Variants in CBY1 observed in about 807,000 individuals in gnomAD.
CBY1 encodes the protein protein chibby homolog 1.
A neutral mutation model predicts 15.6 loss-of-function variants in CBY1; 10 were observed. That is an observed-to-expected ratio of 0.64 (90% CI 0.40 to 1.09). The LOEUF (loss-of-function observed/expected upper bound fraction) is 1.09. CBY1 is among the 50% of genes least tolerant of loss of function. CBY1 has a pLI of 0.01. For missense variants in CBY1, 150 were observed against 160.5 expected (o/e 0.93, Z 0.35); for synonymous variants, 61 against 63.5 (o/e 0.96, Z 0.19).
chr22:38,669,490 C>A (rs180873679), intron 2 of CBY1, among the ~76,000 whole-genome samples: 1 of 152,314 alleles, frequency 6.6e-6, no homozygotes, highest in East Asian at 1.9e-4. Context: ...AACATCAAAT[C>A]CCTGCTTTCA....
chr22:38,669,511 AC>A (rs1233882418), intron 2 of CBY1, among the ~76,000 whole-genome samples: 1 of 152,202 alleles, frequency 6.6e-6, no homozygotes, highest in Non-Finnish European at 1.5e-5. Context: ...TGGGGCAGAT[AC>A]TTTAACGGAA....
At chr22:38,666,077 A>C (rs186182791) in intron 1 of CBY1, among the ~76,000 whole-genome samples, 26 of 151,506 alleles carry the variant, frequency 1.7e-4, no homozygotes, top group African/African-American at 6.3e-4. Flanking sequence ...GGCTCAAGCA[A>C]TCCTCTCACC....
Position 38,673,270 on chromosome 22 carries a change from T to C in CBY1, c.*34T>C. 1.4e-6 allele frequency: 2 copies of C among 1,450,496 alleles called. No homozygotes were observed. Among genetic ancestry groups the C allele is most frequent in the Non-Finnish European group, 1.9e-6 (2 of 1,031,884 alleles). The allele number at this position is 1,450,496 out of a possible 1,614,324, so 89.9% of individuals were successfully genotyped here. A position where few individuals can be genotyped will look rare whatever the true frequency, so the allele number is the denominator to read the frequency against. On this transcript the variant is annotated 3_prime_UTR_variant, in exon 5 of 5. Transcript: ENST00000216029. ...GAGACATTTATTGGGGAGTAGGATG[T>C]GGCTGAGTGCTTTTTTTTTGGCCAG...
At chr22:38,664,470 CAAAAAAA>C (rs35322853) in intron 1 of CBY1, among the ~76,000 whole-genome samples, 1 of 92,038 alleles carries the variant, frequency 1.1e-5, no homozygotes, top group South Asian at 3.5e-4. Context: ...GACTCCATCT[CAAAAAAA>C]AAAAAAAAAA....
intron 1 of CBY1, among the ~76,000 whole-genome samples, chr22:38,660,585 A>G (rs751768110): frequency 3.3e-5 from 5 of 151,738 alleles, no homozygotes; most frequent in Non-Finnish European, 7.4e-5. Context: ...CACCATATGT[A>G]TATACACGTA....
At chr22:38,657,415 G>A (rs2092403055) in intron 1 of CBY1, among the ~76,000 whole-genome samples, 1 of 152,226 alleles carries the variant, frequency 6.6e-6, no homozygotes. Flanking sequence ...GCCGCAGAGT[G>A]ATCATTGGAA....
At chr22:38,663,496 G>A in intron 1 of CBY1, among the ~76,000 whole-genome samples, 1 of 151,914 alleles carries the variant, frequency 6.6e-6, no homozygotes, top group Middle Eastern at 3.4e-3. Context: ...GGGAGTTCGA[G>A]ACCAGCCTGA....
intron 2 of CBY1, among the ~76,000 whole-genome samples, chr22:38,669,044 G>A (rs1345287779): frequency 6.6e-6 from 1 of 152,196 alleles, no homozygotes; most frequent in Non-Finnish European, 1.5e-5. Context: ...CGTAAGAGCA[G>A]CAGTGTGCTT....
chr22:38,673,276 A>C lies in CBY1; in HGVS notation c.*40A>C. Reference sequence around the variant, plus strand: ...TTTATTGGGGAGTAGGATGTGGCTGAGTGCTTTTTTTTTGGCCAGACTAGC... The same window carrying C: ...TTTATTGGGGAGTAGGATGTGGCTGCGTGCTTTTTTTTTGGCCAGACTAGC... On this transcript the variant is annotated 3_prime_UTR_variant, in exon 5 of 5. Coordinates refer to ENST00000216029, the MANE Select transcript of CBY1 (RefSeq NM_015373.4). 1.4e-6 allele frequency: 2 copies of C among 1,422,348 alleles called. No individual in the cohort carries two copies. Among genetic ancestry groups the C allele is most frequent in the East Asian group, 2.3e-5 (1 of 43,818 alleles). 88.1% of individuals were successfully genotyped at this position (1,422,348 alleles called of 1,614,324 possible). A position where few individuals can be genotyped will look rare whatever the true frequency, so the allele number is the denominator to read the frequency against.
chr22:38,660,955 C>T (rs577174817), intron 1 of CBY1, among the ~76,000 whole-genome samples: 5 of 152,204 alleles, frequency 3.3e-5, no homozygotes, highest in Middle Eastern at 3.4e-3. Flanking sequence ...CTTCTAACCT[C>T]TTTCTCTTCT....
chr22:38,659,322 C>T (rs1724403784), intron 1 of CBY1, among the ~76,000 whole-genome samples: 1 of 152,038 alleles, frequency 6.6e-6, no homozygotes, highest in African/African-American at 2.4e-5. Flanking sequence ...TACAGTGGCA[C>T]AATCTCAGCT....
chr22:38,671,071 G>C lies in CBY1; in HGVS notation c.186G>C (p.Glu62Asp). The C allele has an allele frequency of 6.2e-7, 1 of 1,614,138 alleles. No homozygotes were observed. The highest frequency in any genetic ancestry group is 8.5e-7 in the Non-Finnish European group (1 of 1,179,928). ...LKFENGQWIA[E>D]TGVSGGVDRR... ...TAACTGGTTCTGTCCTTCCTCCAGA[G>C]ACAGGGGTTAGTGGCGGTGTGGACC... Residue 62 changes from glutamate to aspartate, a missense_variant and splice_region_variant, in exon 4 of 5, where the codon GAG (glutamate) becomes GAC (aspartate). Glu to Asp is a conservative substitution (Grantham distance 45, BLOSUM62 2). Transcript: ENST00000216029.
At chr22:38,666,267 G>A (rs1271870760) in intron 1 of CBY1, among the ~76,000 whole-genome samples, 1 of 142,014 alleles carries the variant, frequency 7.0e-6, no homozygotes, top group East Asian at 2.0e-4. Flanking sequence ...TTTTGGTAGA[G>A]ACGGGCCCTG....
At chr22:38,669,034 C>T (rs182416378) in intron 2 of CBY1, among the ~76,000 whole-genome samples, 27 of 152,274 alleles carry the variant, frequency 1.8e-4, no homozygotes, top group African/African-American at 5.8e-4. Context: ...TCCCACACAG[C>T]GTAAGAGCAG....
chr22:38,668,234 G>C, intron 2 of CBY1, 102 bp downstream of exon 2: 1 of 743,196 alleles, frequency 1.3e-6, no homozygotes, highest in South Asian at 1.5e-5. Context: ...CAGTGCAGGA[G>C]GGCATCCTTT....
chr22:38,672,493 T>C (rs1005740067), intron 4 of CBY1, among the ~76,000 whole-genome samples: 2 of 151,744 alleles, frequency 1.3e-5, no homozygotes, highest in Non-Finnish European at 2.9e-5. Flanking sequence ...TTTTTGCATT[T>C]TTAGTAGAGA....
chr22:38,672,264 A>G (rs1291813236), intron 4 of CBY1, among the ~76,000 whole-genome samples: 1 of 74,378 alleles, frequency 1.3e-5, no homozygotes, highest in Non-Finnish European at 3.1e-5. Context: ...CCCATCTTGG[A>G]AAAAAAAAAA....
intron 1 of CBY1, among the ~76,000 whole-genome samples, chr22:38,663,433 C>T (rs1206822490): frequency 2.6e-5 from 4 of 151,872 alleles, no homozygotes; most frequent in Non-Finnish European, 4.4e-5. Context: ...CGGTGGCCCA[C>T]ACCTGTAATC....
intron 1 of CBY1, among the ~76,000 whole-genome samples, chr22:38,659,885 A>T (rs945781760): frequency 1.3e-5 from 2 of 150,976 alleles, no homozygotes; most frequent in Non-Finnish European, 3.0e-5. Flanking sequence ...AAAAAAAAGA[A>T]TGTGCCACAA....
Sources: allele counts gnomAD v4.1 joint callset (sites outside exome capture counted in the v4.1 genomes callset), GRCh38; gene constraint gnomAD v4.1.1; transcripts MANE v1.5; gene names NCBI Gene and HGNC (gene_info 2026-07-23, HGNC 2026-07-21).